The following RIMBP2 variants were observed in gnomAD, a reference collection of about 807,000 sequenced individuals.
RIMBP2 encodes RIMS binding protein 2.
A neutral mutation model predicts 118.6 loss-of-function variants in RIMBP2; 48 were observed. The ratio of observed to expected loss-of-function variants is 0.40; its 90% CI spans 0.32 to 0.51. RIMBP2 has a LOEUF of 0.51. Ranked by LOEUF, RIMBP2 falls within the 20% of genes least tolerant of loss-of-function variation. The pLI, the probability that RIMBP2 is intolerant of heterozygous loss-of-function variation, is 0.41. For synonymous variants in RIMBP2, 762 were observed against 742.9 expected (o/e 1.03, Z -0.42); for missense variants, 1,551 against 1,768.3 (o/e 0.88, Z 2.20).
At chr12:130,518,002 G>T (rs987244524) in intron 2 of RIMBP2, 85 bp from the exon 3 acceptor site, 6 of 375,932 alleles carry the variant, frequency 1.6e-5, no homozygotes, top group Non-Finnish European at 2.2e-5. Flanking sequence ...CTCCAATGTG[G>T]TAATGAGACC....
intron 19 of RIMBP2, among the ~76,000 whole-genome samples, chr12:130,408,487 G>A (rs1299082285): frequency 6.6e-6 from 1 of 152,192 alleles, no homozygotes; most frequent in Non-Finnish European, 1.5e-5. Flanking sequence ...GCCTGGCTCT[G>A]TCTCTGCCAC....
chr12:130,438,334 A>ATCCGGGGGGCCCCCCCC, intron 12 of RIMBP2, 31 bp downstream of exon 12: 1 of 1,344,518 alleles, frequency 7.4e-7, no homozygotes, highest in Non-Finnish European at 1.1e-6. Flanking sequence ...GGGCCTAACA[A>ATCCGGGGGGCCCCCCCC]ACCCTCCCCA....
intron 13 of RIMBP2, among the ~76,000 whole-genome samples, chr12:130,435,437 C>T (rs996961494): frequency 4.0e-4 from 61 of 152,190 alleles, no homozygotes; most frequent in Admixed American, 2.7e-3. Flanking sequence ...ATAATTTGAT[C>T]AATTCACATT....
chr12:130,556,091 G>A (rs2056327343), intron 2 of RIMBP2, among the ~76,000 whole-genome samples: 1 of 152,180 alleles, frequency 6.6e-6, no homozygotes, highest in African/African-American at 2.4e-5. Flanking sequence ...TTCTGACCGG[G>A]GAGTCAAGGC....
chr12:130,646,118 ACCACCTGC>A lies in RIMBP2; in HGVS notation c.-351-17670_-351-17663del, dbSNP rs1566422155. Among the ~76,000 whole-genome samples the A allele has an allele frequency of 1.1e-3, 67 of 62,436 alleles. 5 individuals carry two copies. The highest frequency in any genetic ancestry group is 0.016 in the Middle Eastern group (2 of 124). The allele number at this position is 62,436 out of a possible 152,430, so 41.0% of individuals were successfully genotyped here. A position where few individuals can be genotyped will look rare whatever the true frequency, so the allele number is the denominator to read the frequency against. The stretch of plus-strand genomic sequence containing the variant: ...CTCCACCTCCCTCTCCACCTCCCTC[ACCACCTGC>A]CTCTCCACCTCCCTCACCACCTGCC... On this transcript the variant is annotated intron_variant, in intron 1 of 22. Transcript: ENST00000690449.
At chr12:130,409,635 G>A (rs773428369) in intron 19 of RIMBP2, among the ~76,000 whole-genome samples, 45 of 152,042 alleles carry the variant, frequency 3.0e-4, no homozygotes, top group Non-Finnish European at 5.9e-4. Flanking sequence ...GAGCCACTGC[G>A]CCCGGCCCAG....
At chr12:130,510,306 T>C (rs1306713332) in intron 3 of RIMBP2, among the ~76,000 whole-genome samples, 4 of 152,090 alleles carry the variant, frequency 2.6e-5, no homozygotes, top group African/African-American at 4.8e-5. Context: ...CAGTGGACAA[T>C]ATGGTGGCAA....
chr12:130,613,268 T>C (rs1047266861), intron 2 of RIMBP2, among the ~76,000 whole-genome samples: 18 of 152,124 alleles, frequency 1.2e-4, no homozygotes, highest in African/African-American at 3.6e-4. Flanking sequence ...GGTACTCCAA[T>C]TGTGGGAGCT....
chr12:130,407,828 C>T lies in RIMBP2; in HGVS notation c.3591G>A (p.Glu1197=). The part of the protein sequence containing the change: ...LPLNTPVEKI[E]RSRRSGRRHS... ...GACGCCTGCCACTTCTCCTGCTTCT[C>T]TCTGTTCAGATCACAAGGGGGAAAG... The change falls in exon 20 of 23, where the codon GAG becomes GAA. Residue 1197 remains glutamate (E), a splice_region_variant and synonymous_variant. Transcript: ENST00000690449. 6.2e-7 allele frequency: 1 copy of T among 1,613,420 alleles called. No homozygotes were observed. Among genetic ancestry groups the T allele is most frequent in the South Asian group, 1.1e-5 (1 of 91,056 alleles).
intron 1 of RIMBP2, among the ~76,000 whole-genome samples, chr12:130,633,393 C>T (rs964859979): frequency 2.6e-5 from 4 of 152,126 alleles, no homozygotes; most frequent in African/African-American, 7.2e-5. Context: ...CCCACCAGAA[C>T]GGTGAATTCC....
intron 21 of RIMBP2, among the ~76,000 whole-genome samples, chr12:130,400,414 C>G (rs2074416613): frequency 6.6e-6 from 1 of 152,182 alleles, no homozygotes; most frequent in African/African-American, 2.4e-5. Context: ...TATATCCTTC[C>G]AGATCTTTCT....
chr12:130,403,560 A>T (rs182776295), intron 21 of RIMBP2, among the ~76,000 whole-genome samples: 187 of 152,370 alleles, frequency 1.2e-3, no homozygotes, highest in African/African-American at 4.3e-3. Flanking sequence ...TTAAGCAAAT[A>T]AAAACTTTTG....
intron 21 of RIMBP2, 141 bp from the exon 22 acceptor site, chr12:130,399,954 C>T (rs1257541262): frequency 2.9e-5 from 28 of 953,262 alleles, no homozygotes; most frequent in Non-Finnish European, 4.0e-5. Flanking sequence ...TGAAAGGACT[C>T]TAAATCAGGG....
chr12:130,708,068 C>T (rs117096328), intron 1 of RIMBP2, among the ~76,000 whole-genome samples: 5,253 of 152,208 alleles, frequency 0.035, 138 homozygotes, highest in Non-Finnish European at 0.053. Context: ...AAAGAGATGA[C>T]GCTCTGACAC....
Position 130,591,949 on chromosome 12 carries a change from C to T in RIMBP2, c.-217+36373G>A, listed in dbSNP as rs576088067. Among the ~76,000 whole-genome samples the T allele has an allele frequency of 7.2e-5, 11 of 152,326 alleles. No homozygotes were observed. The South Asian group carries it at 2.3e-3, about 32-fold the overall frequency. Reference sequence around the variant, plus strand: ...ATGGCTGCCCTGCGCTGCACCACTGCCCCAGCCGAGCCACGTCCCAGGCCT... The same window carrying T: ...ATGGCTGCCCTGCGCTGCACCACTGTCCCAGCCGAGCCACGTCCCAGGCCT... On this transcript the variant is annotated intron_variant, in intron 2 of 22. Transcript: ENST00000690449.
chr12:130,678,719 T>C (rs1594192083), intron 1 of RIMBP2, among the ~76,000 whole-genome samples: 1 of 152,216 alleles, frequency 6.6e-6, no homozygotes, highest in African/African-American at 2.4e-5. Context: ...GGTTTCACCA[T>C]CTTGGCCAGG....
intron 4 of RIMBP2, among the ~76,000 whole-genome samples, chr12:130,494,597 C>T (rs12814424): frequency 0.069 from 10,327 of 150,698 alleles, 586 homozygotes; most frequent in East Asian, 0.18. Context: ...TGAGATTGCC[C>T]CACTGCACTC....
intron 1 of RIMBP2, among the ~76,000 whole-genome samples, chr12:130,676,509 G>A (rs1438128036): frequency 6.6e-6 from 1 of 152,012 alleles, no homozygotes; most frequent in East Asian, 1.9e-4. Flanking sequence ...TGTAGTCCCA[G>A]CTACTCAGGA....
Position 130,479,409 on chromosome 12 carries a change from C to A in RIMBP2, c.-3-393G>T, listed in dbSNP as rs556857127. On this transcript the variant is annotated intron_variant, in intron 4 of 22. Coordinates refer to ENST00000690449, the MANE Select transcript of RIMBP2 (RefSeq NM_001393629.1). The stretch of plus-strand genomic sequence containing the variant: ...GCTTATTGATGCTGCCCTGTGTGCC[C>A]AGCACTGGTTCAGGGTTTTATCTGC... Among the ~76,000 whole-genome samples the A allele has an allele frequency of 5.9e-5, 9 of 152,312 alleles. No individual in the cohort carries two copies. The East Asian group carries it at 1.7e-3, about 29-fold the overall frequency.
Sources: allele counts gnomAD v4.1 joint callset (sites outside exome capture counted in the v4.1 genomes callset), GRCh38; gene constraint gnomAD v4.1.1; transcripts MANE v1.5; gene names NCBI Gene and HGNC (gene_info 2026-07-23, HGNC 2026-07-21).